LRMDA: variants seen among roughly 807,000 people sequenced by gnomAD.
The protein encoded by LRMDA is leucine-rich melanocyte differentiation-associated protein.
Under a neutral mutation model 29.8 loss-of-function variants are expected in LRMDA, and 18 were observed. The ratio of observed to expected loss-of-function variants is 0.60; its 90% CI spans 0.42 to 0.90. The LOEUF (loss-of-function observed/expected upper bound fraction) is 0.90. LRMDA is among the 40% of genes least tolerant of loss of function. The pLI, the probability that LRMDA is intolerant of heterozygous loss-of-function variation, is 0.00. For synonymous variants in LRMDA, 125 were observed against 109.4 expected (o/e 1.14, Z -0.89); for missense variants, 273 against 273.9 (o/e 1.00, Z 0.02).
chr10:76,354,138 C>G (rs1446831958), intron 6 of LRMDA, among the ~76,000 whole-genome samples: 1 of 152,076 alleles, frequency 6.6e-6, no homozygotes, highest in African/African-American at 2.4e-5. Context: ...TTGGAGATAT[C>G]CCCGTCCCAC....
chr10:75,588,746 C>G (rs1162481437), intron 2 of LRMDA, among the ~76,000 whole-genome samples: 4 of 152,096 alleles, frequency 2.6e-5, no homozygotes, highest in Non-Finnish European at 5.9e-5. Flanking sequence ...CCATGACAAC[C>G]CCTAAAGGTA....
chr10:75,644,522 A>G (rs901827355), intron 2 of LRMDA, among the ~76,000 whole-genome samples: 3 of 152,224 alleles, frequency 2.0e-5, no homozygotes, highest in Non-Finnish European at 4.4e-5. Context: ...CTTTGCCAGC[A>G]TGGTGTACCT....
At chr10:75,737,113 G>T (rs139299151) in intron 2 of LRMDA, among the ~76,000 whole-genome samples, 5 of 151,618 alleles carry the variant, frequency 3.3e-5, no homozygotes, top group Admixed American at 2.6e-4. Context: ...GCACACGCAC[G>T]CACACACATG....
chr10:75,671,306 C>G (rs1841888296), intron 2 of LRMDA, among the ~76,000 whole-genome samples: 1 of 152,178 alleles, frequency 6.6e-6, no homozygotes, highest in Non-Finnish European at 1.5e-5. Flanking sequence ...GTACTGCTGC[C>G]TGGTATAAGG....
At chr10:76,192,174 T>C (rs973849651) in intron 5 of LRMDA, among the ~76,000 whole-genome samples, 1 of 152,330 alleles carries the variant, frequency 6.6e-6, no homozygotes, top group African/African-American at 2.4e-5. Context: ...GGTTCTTAGA[T>C]TCTAGTGTGC....
At chr10:75,545,642 A>G (rs6480783) in intron 2 of LRMDA, among the ~76,000 whole-genome samples, 115,758 of 152,054 alleles carry the variant, frequency 0.76, 44,204 homozygotes, top group East Asian at 0.85. Context: ...ACATTTTGCC[A>G]ATGAGAAAAC....
At chr10:75,521,280 G>C (rs1845354204) in intron 2 of LRMDA, among the ~76,000 whole-genome samples, 1 of 152,226 alleles carries the variant, frequency 6.6e-6, no homozygotes, top group African/African-American at 2.4e-5. Flanking sequence ...AGAAGTTTCT[G>C]CTGCCTTTTG....
chr10:76,334,342 A>G (rs1231043499), intron 6 of LRMDA, among the ~76,000 whole-genome samples: 1 of 152,130 alleles, frequency 6.6e-6, no homozygotes, highest in Non-Finnish European at 1.5e-5. Flanking sequence ...GTTTTTCCTC[A>G]TGTAGTGATT....
chr10:76,257,543 A>T (rs1852619398), intron 5 of LRMDA, among the ~76,000 whole-genome samples: 1 of 152,048 alleles, frequency 6.6e-6, no homozygotes, highest in Non-Finnish European at 1.5e-5. Flanking sequence ...CATGTTGGCC[A>T]GGCTGGTCTC....
At chr10:76,240,763 GAGATAGATAGATAGATAGATAGATAGAT>G (rs55944717) in intron 5 of LRMDA, among the ~76,000 whole-genome samples, 5 of 143,986 alleles carry the variant, frequency 3.5e-5, no homozygotes, top group Non-Finnish European at 7.5e-5. Flanking sequence ...AAGAAAATGT[GAGATAGATAGATAGATAGATAGATAGAT>G]AGATAGATAG....
At chr10:76,123,925 T>C (rs1014311718) in intron 5 of LRMDA, among the ~76,000 whole-genome samples, 6 of 152,230 alleles carry the variant, frequency 3.9e-5, no homozygotes, top group African/African-American at 1.4e-4. Context: ...GATGAGCCTC[T>C]TCTGTCTTAT....
At chr10:75,862,567 T>C (rs558191955) in intron 2 of LRMDA, among the ~76,000 whole-genome samples, 65 of 152,286 alleles carry the variant, frequency 4.3e-4, no homozygotes, top group African/African-American at 1.5e-3. Flanking sequence ...TTAGGCGATA[T>C]GTTGGTCAGT....
chr10:76,218,439 G>A (rs1463952963), intron 5 of LRMDA, among the ~76,000 whole-genome samples: 1 of 152,218 alleles, frequency 6.6e-6, no homozygotes, highest in Non-Finnish European at 1.5e-5. Flanking sequence ...CTGCAATGCA[G>A]GGAGTGATTG....
intron 5 of LRMDA, among the ~76,000 whole-genome samples, chr10:76,188,660 C>T (rs1240382052): frequency 3.3e-5 from 5 of 151,926 alleles, no homozygotes; most frequent in Admixed American, 2.6e-4. Flanking sequence ...CGTTCTGGGC[C>T]ATGTGTAGAT....
intron 2 of LRMDA, among the ~76,000 whole-genome samples, chr10:75,656,553 C>T (rs1841677580): frequency 6.6e-6 from 1 of 152,122 alleles, no homozygotes; most frequent in South Asian, 2.1e-4. Flanking sequence ...GGAGTCTTTG[C>T]TTGGAGGCAG....
chr10:76,008,458 T>C (rs1847713583), intron 2 of LRMDA, among the ~76,000 whole-genome samples: 1 of 152,216 alleles, frequency 6.6e-6, no homozygotes, highest in Admixed American at 6.5e-5. Context: ...TTGAAACACA[T>C]TAACTCATCT....
At chr10:76,356,907 C>A (rs1352707017) in intron 6 of LRMDA, among the ~76,000 whole-genome samples, 2 of 152,110 alleles carry the variant, frequency 1.3e-5, no homozygotes, top group Non-Finnish European at 2.9e-5. Context: ...GGGATATAAA[C>A]AATGACTTTG....
intron 2 of LRMDA, among the ~76,000 whole-genome samples, chr10:75,839,543 C>CTT (rs59061406): frequency 4.3e-5 from 6 of 140,278 alleles, no homozygotes; most frequent in African/African-American, 1.0e-4. Context: ...TTTATTTTTC[C>CTT]TTTTTTTTTT....
At chr10:75,592,685 C>G (rs1840738702) in intron 2 of LRMDA, among the ~76,000 whole-genome samples, 1 of 152,262 alleles carries the variant, frequency 6.6e-6, no homozygotes. Context: ...GGCTTCGGCT[C>G]AGCTCTCCTG....
Sources: gnomAD v4.1 joint callset for allele counts (sites outside exome capture counted in the v4.1 genomes callset) on GRCh38, gnomAD v4.1.1 for gene constraint, MANE v1.5 for transcripts, NCBI Gene and HGNC (gene_info 2026-07-23, HGNC 2026-07-21) for gene names.